The following DLGAP3 variants were observed in gnomAD, a reference collection of about 807,000 sequenced individuals.
DLGAP3 encodes the protein disks large-associated protein 3.
DLGAP3 carries 17 observed loss-of-function variants against 81.2 expected under a neutral mutation model. That is an observed-to-expected ratio of 0.21 (90% CI 0.14 to 0.31). DLGAP3 has a LOEUF of 0.31. Among genes scored for constraint, DLGAP3 ranks in the 10% least tolerant of loss-of-function variants. DLGAP3 has a pLI of 1.00. For synonymous variants in DLGAP3, 577 were observed against 587.4 expected, an observed-to-expected ratio of 0.98 and a Z score of 0.26; for missense variants, 1,124 against 1,388.0, an observed-to-expected ratio of 0.81 and a Z score of 3.02.
chr1:34,916,638 ACTTTTAT>A (rs1337116684), intron 1 of DLGAP3, among the ~76,000 whole-genome samples: 1 of 151,476 alleles, frequency 6.6e-6, no homozygotes, highest in East Asian at 1.9e-4. Flanking sequence ...TGAACAGAAT[ACTTTTAT>A]TTTTTATTTT....
Position 34,902,882 on chromosome 1 carries a change from C to T in DLGAP3, c.1107+1395G>A, listed in dbSNP as rs182530336. 6.6e-4 allele frequency among the ~76,000 whole-genome samples: 100 copies of T among 152,214 alleles called. No homozygotes were observed. Among genetic ancestry groups the T allele is most frequent in the Admixed American group, 3.5e-3 (53 of 15,288 alleles). ...CAAGTCTTCAGGGATGGCAAGGAAT[C>T]GGCTATGGGGGAGAAAGGATGGGTG... On this transcript the variant is annotated intron_variant, in intron 3 of 11. Coordinates refer to ENST00000373347, the MANE Select transcript of DLGAP3 (RefSeq NM_001080418.3). The surrounding 1 kb of genome is among the most constrained non-coding windows in gnomAD (Gnocchi z 4.4).
At position 34,867,185 on chromosome 1, in the gene DLGAP3, T is replaced by C; in HGVS notation, c.2584A>G (p.Thr862Ala). 2.5e-6 allele frequency: 4 copies of C among 1,614,090 alleles called. No homozygotes were observed. The highest frequency in any genetic ancestry group is 3.4e-6 in the Non-Finnish European group (4 of 1,180,024). ...FRLCQQSMDP[T>A]AFPVPTFQDL... ...TGGAAGGTGGGCACAGGGAACGCAG[T>C]GGGATCCTGCAACAGAGGAAGATGG... Residue 862 changes from threonine (T) to alanine (A), a missense_variant, in exon 11 of 12, where the codon ACT becomes GCT. By Grantham distance (58) the Thr-to-Ala change is moderately conservative (BLOSUM62 0). This residue lies in a region of DLGAP3 where 133 missense variants were observed against 171.1 expected (regional missense o/e 0.78). Transcript: ENST00000373347. The surrounding 1 kb of genome is among the most constrained non-coding windows in gnomAD (Gnocchi z 4.3).
chr1:34,885,887 G>C, intron 6 of DLGAP3, 96 bp from the exon 7 acceptor site: 1 of 1,201,652 alleles, frequency 8.3e-7, no homozygotes, highest in Non-Finnish European at 1.1e-6. Context: ...GAGGCCCTAC[G>C]GGACCCTGCA....
At chr1:34,912,374 G>A (rs752089181) in intron 1 of DLGAP3, among the ~76,000 whole-genome samples, 3 of 152,208 alleles carry the variant, frequency 2.0e-5, no homozygotes, top group African/African-American at 7.2e-5. Context: ...ACAAAGACCA[G>A]TATCTCAGCA....
At chr1:34,898,600 C>A (rs1639409878) in intron 5 of DLGAP3, among the ~76,000 whole-genome samples, 1 of 152,146 alleles carries the variant, frequency 6.6e-6, no homozygotes, top group Non-Finnish European at 1.5e-5. Flanking sequence ...TTTTCCCCAG[C>A]ATACAGTAAA....
intron 2 of DLGAP3, 113 bp from the exon 3 acceptor site, chr1:34,905,547 T>C (rs1639537725): frequency 4.0e-6 from 3 of 748,830 alleles, no homozygotes; most frequent in Non-Finnish European, 6.2e-6. Context: ...TTTATTATGA[T>C]TAATCACACT....
At chr1:34,893,251 A>G (rs907000472) in intron 5 of DLGAP3, among the ~76,000 whole-genome samples, 4 of 152,222 alleles carry the variant, frequency 2.6e-5, no homozygotes, top group African/African-American at 9.6e-5. Flanking sequence ...CTGAAAGAAA[A>G]ATAACTGTCA....
Position 34,929,558 on chromosome 1 carries a change from C to T in DLGAP3, c.-242G>A, listed in dbSNP as rs1345277528. On this transcript the variant is annotated 5_prime_UTR_variant, in exon 1 of 12. Coordinates refer to ENST00000373347, the MANE Select transcript of DLGAP3 (RefSeq NM_001080418.3). The surrounding 1 kb of genome is among the most constrained non-coding windows in gnomAD (Gnocchi z 6.5). ...GGACCGGGGCCCGGCACTGCGGAGC[C>T]CCCAGCTGAGGGGCCGCGCCGGCTG... 6.7e-6 allele frequency: 1 copy of T among 149,996 alleles called. No homozygotes were observed. The highest frequency in any genetic ancestry group is 6.6e-5 in the Admixed American group (1 of 15,078). The allele number at this position is 149,996 out of a possible 1,614,324, so 9.3% of individuals were successfully genotyped here.
At position 34,868,313 on chromosome 1, in the gene DLGAP3, G is replaced by C. The variant is rs939055714; in HGVS notation, c.2485+292C>G. Among the ~76,000 whole-genome samples, 4 of 152,198 alleles carry C rather than the reference G, an allele frequency of 2.6e-5. No individual in the cohort carries two copies. Among genetic ancestry groups the C allele is most frequent in the African/African-American group, 9.7e-5 (4 of 41,442 alleles). On this transcript the variant is annotated intron_variant, in intron 9 of 11. Coordinates refer to ENST00000373347, the MANE Select transcript of DLGAP3 (RefSeq NM_001080418.3). The surrounding 1 kb of genome is among the most constrained non-coding windows in gnomAD (Gnocchi z 7.5). ...AGTTCCCTTAGTCCCCATAAACTTGGTGATTTGGACTAGCAGCCATCCATA... is the reference window on the plus strand; with the variant it reads ...AGTTCCCTTAGTCCCCATAAACTTGCTGATTTGGACTAGCAGCCATCCATA...
intron 8 of DLGAP3, among the ~76,000 whole-genome samples, chr1:34,881,321 T>C (rs12141243): frequency 0.098 from 14,853 of 152,248 alleles, 937 homozygotes; most frequent in South Asian, 0.15. Context: ...CCCTCCACAT[T>C]GCTTCCCAGC....
At chr1:34,923,430 A>G (rs1421620352) in intron 1 of DLGAP3, among the ~76,000 whole-genome samples, 2 of 152,334 alleles carry the variant, frequency 1.3e-5, no homozygotes, top group East Asian at 3.9e-4. Context: ...TTTTGAAAGC[A>G]GAAGCTGGGA....
chr1:34,891,398 G>C (rs532850303), intron 5 of DLGAP3, among the ~76,000 whole-genome samples: 1 of 152,316 alleles, frequency 6.6e-6, no homozygotes, highest in South Asian at 2.1e-4. Context: ...CTGGGTTTCA[G>C]CAATGTTTGG....
rs189084344 is a variant in DLGAP3, at chr1:34,898,000, G to A, written c.1386+1669C>T. On this transcript the variant is annotated intron_variant, in intron 5 of 11. Transcript: ENST00000373347. Reference sequence around the variant, plus strand: ...AGCAGCAACTGCGGCAGCCAGGGGCGGGAGGGGATTGTGGAGGGTGTGTGT... The same window carrying A: ...AGCAGCAACTGCGGCAGCCAGGGGCAGGAGGGGATTGTGGAGGGTGTGTGT... 1.3e-4 allele frequency among the ~76,000 whole-genome samples: 20 copies of A among 152,336 alleles called. No individual in the cohort carries two copies. In the East Asian group the frequency reaches 2.5e-3, roughly 19 times the overall value.
rs761346392 is a variant in DLGAP3, at chr1:34,899,702, G to A, written c.1353C>T (p.Ile451=). Residue 451 remains isoleucine, a synonymous_variant, in exon 5 of 12, where the codon ATC becomes ATT. Coordinates refer to ENST00000373347, the MANE Select transcript of DLGAP3 (RefSeq NM_001080418.3). ...VPPRIHPRSS[I]PGYSRSLTTG... ...TGGTGAGGGAACGGCTGTAGCCAGG[G>A]ATGGAGCTCCGGGGGTGGATCCGGG... 13 of 1,613,952 alleles carry A rather than the reference G, an allele frequency of 8.1e-6. No individual in the cohort carries two copies. The highest frequency in any genetic ancestry group is 9.3e-6 in the Non-Finnish European group (11 of 1,180,034).
At position 34,867,500 on chromosome 1, in the gene DLGAP3, A is replaced by G; in HGVS notation, c.2577+36T>C. On this transcript the variant is annotated intron_variant, in intron 10 of 11. Coordinates refer to ENST00000373347, the MANE Select transcript of DLGAP3 (RefSeq NM_001080418.3). This position sits in a 1 kb window ranked among gnomAD's most constrained non-coding sequence, Gnocchi z 4.3. ...CCAGCACACACACACTCTGGGTCAC[A>G]TGTATCTGGTAGGATCTACTACTAT... 1.9e-6 allele frequency: 3 copies of G among 1,558,476 alleles called. No individual in the cohort carries two copies. The highest frequency in any genetic ancestry group is 2.2e-5 in the South Asian group (2 of 90,024).
Position 34,868,826 on chromosome 1 carries a change from G to A in DLGAP3, c.2264C>T (p.Ser755Leu), listed in dbSNP as rs1453481443. The A allele has an allele frequency of 2.5e-6, 4 of 1,581,112 alleles. No homozygotes were observed. Among genetic ancestry groups the A allele is most frequent in the Middle Eastern group, 3.4e-4 (2 of 5,938 alleles). Residue 755 changes from serine to leucine, a missense_variant, in exon 9 of 12, where the codon TCG becomes TTG. Physicochemically the swap from Ser to Leu is moderately radical, Grantham distance 145. This residue lies in a region of DLGAP3 where 379 missense variants were observed against 455.7 expected (regional missense o/e 0.83). Transcript: ENST00000373347. The surrounding 1 kb of genome is among the most constrained non-coding windows in gnomAD (Gnocchi z 7.5). ...LPYEPPATDG[S>L]PGPAPAPTPG... ...GGTGGGGGCGGGGGCAGGGCCGGGC[G>A]ACCCATCGGTGGCCGGCGGCTCGTA...
At chr1:34,872,510 GAAT>G (rs1236899689) in intron 8 of DLGAP3, among the ~76,000 whole-genome samples, 1 of 152,184 alleles carries the variant, frequency 6.6e-6, no homozygotes, top group Admixed American at 6.5e-5. Flanking sequence ...GGTGTAGGCA[GAAT>G]AATAGCCACC....
intron 1 of DLGAP3, among the ~76,000 whole-genome samples, chr1:34,911,022 A>ATCCCCCC (rs1639630935): frequency 7.6e-6 from 1 of 131,952 alleles, no homozygotes; most frequent in Non-Finnish European, 1.6e-5. Context: ...GATATTATCC[A>ATCCCCCC]CCCCCCCCCC....
intron 1 of DLGAP3, among the ~76,000 whole-genome samples, chr1:34,914,690 G>A (rs1399816864): frequency 6.6e-6 from 1 of 152,242 alleles, no homozygotes; most frequent in East Asian, 1.9e-4. Context: ...TGCAGGTAAA[G>A]TATCTAGCAC....
Sources: allele counts gnomAD v4.1 joint callset (sites outside exome capture counted in the v4.1 genomes callset), GRCh38; gene constraint gnomAD v4.1.1; regional missense constraint gnomAD v4.1.1; non-coding constraint Gnocchi (gnomAD v3.1); transcripts MANE v1.5; gene names NCBI Gene and HGNC (gene_info 2026-07-23, HGNC 2026-07-21).